The following CCDC92B variants were observed in gnomAD, a reference collection of about 807,000 sequenced individuals.
CCDC92B encodes the protein coiled-coil domain-containing 92B.
CCDC92B carries 2 observed loss-of-function variants against 5.6 expected under a neutral mutation model. The observed-to-expected ratio is 0.36, with a 90% CI of 0.15 to 1.12. The LOEUF (loss-of-function observed/expected upper bound fraction) is 1.12. Among genes scored for constraint, CCDC92B ranks in the 50% most tolerant of loss-of-function variants. The pLI, the probability that CCDC92B is intolerant of heterozygous loss-of-function variation, is 0.40. For synonymous variants in CCDC92B, 115 were observed against 122.3 expected, an observed-to-expected ratio of 0.94 and a Z score of 0.39; for missense variants, 271 against 262.2, an observed-to-expected ratio of 1.03 and a Z score of -0.23.
At chr17:2,737,418 T>C (rs1168256945) in intron 1 of CCDC92B, among the ~76,000 whole-genome samples, 3 of 151,518 alleles carry the variant, frequency 2.0e-5, no homozygotes, top group Admixed American at 2.0e-4. Flanking sequence ...CTGGGCCCCT[T>C]TCTCTGGTAC....
chr17:2,740,743 A>C lies in CCDC92B; in HGVS notation c.-23-5575T>G, dbSNP rs967781631. Among the ~76,000 whole-genome samples the C allele has an allele frequency of 1.3e-5, 2 of 151,916 alleles. 1 individual carries two copies. The highest frequency in any genetic ancestry group is 4.8e-5 in the African/African-American group (2 of 41,272). The stretch of plus-strand genomic sequence containing the variant: ...TTTAAAAATGGTAGACTAAGGCCAG[A>C]CGCAGTGGCTCACACCTGTAATCTC... On this transcript the variant is annotated intron_variant, in intron 1 of 3. Coordinates refer to ENST00000614400, the MANE Select transcript of CCDC92B (RefSeq NM_001355573.2).
At position 2,721,128 on chromosome 17, in the gene CCDC92B, G is replaced by A. The variant is rs1240277923; in HGVS notation, c.*3283C>T. 1 of 152,332 alleles carries A rather than the reference G, an allele frequency of 6.6e-6. No individual in the cohort carries two copies. The highest frequency in any genetic ancestry group is 2.4e-5 in the African/African-American group (1 of 41,422). The allele number at this position is 152,332 out of a possible 1,614,324, so 9.4% of individuals were successfully genotyped here. A position where few individuals can be genotyped will look rare whatever the true frequency, so the allele number is the denominator to read the frequency against. On this transcript the variant is annotated 3_prime_UTR_variant, in exon 4 of 4. Coordinates refer to ENST00000614400, the MANE Select transcript of CCDC92B (RefSeq NM_001355573.2). ...GGACGCCATCCTACTGCTTATATGG[G>A]GAAGGGTTATCCCATTTTGGCCCTG...
intron 1 of CCDC92B, among the ~76,000 whole-genome samples, chr17:2,740,428 G>A (rs1221890331): frequency 6.6e-6 from 1 of 152,018 alleles, no homozygotes; most frequent in Non-Finnish European, 1.5e-5. Context: ...TTGGGAGGCT[G>A]AGGCAGGCTG....
In CCDC92B at chr17:2,732,054, G is replaced by C. The variant is rs552624182; in HGVS notation, c.131-1561C>G. On this transcript the variant is annotated intron_variant, in intron 2 of 3. Coordinates refer to ENST00000614400, the MANE Select transcript of CCDC92B (RefSeq NM_001355573.2). ...TGGGGGCACAATAGCACCTTTCCAA[G>C]AGGCTGTCGCCAGGATTAAATGAGA... Among the ~76,000 whole-genome samples, 101 of 152,346 alleles carry C rather than the reference G, an allele frequency of 6.6e-4. 1 individual carries two copies. Among genetic ancestry groups the C allele is most frequent in the African/African-American group, 2.3e-3 (97 of 41,584 alleles).
rs1045475386 is a variant in CCDC92B at position 2,724,297 on chromosome 17, G to A, written c.*114C>T. The A allele has an allele frequency of 1.4e-5, 14 of 985,220 alleles. No homozygotes were observed. The highest frequency in any genetic ancestry group is 1.6e-5 in the Non-Finnish European group (13 of 829,908). The allele number at this position is 985,220 out of a possible 1,614,324, so 61.0% of individuals were successfully genotyped here. A position where few individuals can be genotyped will look rare whatever the true frequency, so the allele number is the denominator to read the frequency against. On this transcript the variant is annotated 3_prime_UTR_variant, in exon 4 of 4. Transcript: ENST00000614400. This position sits in a 1 kb window ranked among gnomAD's most constrained non-coding sequence, Gnocchi z 5.0. Reference sequence around the variant, plus strand: ...GGGGGAGCCGGGGCCGCCTCGCCCCGCTTCCTGGAGGAGGGGCGGCTGCCC... The same window carrying A: ...GGGGGAGCCGGGGCCGCCTCGCCCCACTTCCTGGAGGAGGGGCGGCTGCCC...
In CCDC92B at chr17:2,741,664, C is replaced by T. The variant is rs1295840589; in HGVS notation, c.-23-6496G>A. Among the ~76,000 whole-genome samples, 48 of 141,768 alleles carry T rather than the reference C, an allele frequency of 3.4e-4. 1 individual carries two copies. The highest frequency in any genetic ancestry group is 4.6e-5 in the Non-Finnish European group (3 of 65,846). 93.0% of individuals were successfully genotyped at this position (141,768 alleles called of 152,430 possible). A position where few individuals can be genotyped will look rare whatever the true frequency, so the allele number is the denominator to read the frequency against. On this transcript the variant is annotated intron_variant, in intron 1 of 3. Coordinates refer to ENST00000614400, the MANE Select transcript of CCDC92B (RefSeq NM_001355573.2). ...CTGGAGTGCAGTGGTGTGATCTCGG[C>T]TCACTGCAAGCTCTGCCTCCCGGGT...
intron 3 of CCDC92B, among the ~76,000 whole-genome samples, chr17:2,726,330 A>G (rs1597232785): frequency 6.9e-6 from 1 of 144,608 alleles, no homozygotes; most frequent in Non-Finnish European, 1.5e-5. Context: ...GGCGCCCGCC[A>G]CCATGCCTGG....
At chr17:2,738,758 C>CAAAAAAAAAAAAAAAAAAAA (rs533157087) in intron 1 of CCDC92B, among the ~76,000 whole-genome samples, 1 of 89,760 alleles carries the variant, frequency 1.1e-5, no homozygotes, top group Admixed American at 1.3e-4. Flanking sequence ...AGACTCGTCT[C>CAAAAAAAAAAAAAAAAAAAA]AAAAAAAAAA....
intron 2 of CCDC92B, among the ~76,000 whole-genome samples, chr17:2,733,742 G>A (rs1377193082): frequency 9.4e-6 from 1 of 106,368 alleles, no homozygotes; most frequent in Non-Finnish European, 1.7e-5. Flanking sequence ...CAGGACCACT[G>A]GCTTTTTTTT....
intron 2 of CCDC92B, among the ~76,000 whole-genome samples, chr17:2,731,649 GTTGC>G (rs1478009332): frequency 2.6e-5 from 4 of 152,190 alleles, no homozygotes; most frequent in African/African-American, 9.7e-5. Context: ...GAGGCCGGTT[GTTGC>G]TTGGAGGCAG....
intron 3 of CCDC92B, among the ~76,000 whole-genome samples, chr17:2,726,159 C>T (rs2070726652): frequency 9.3e-6 from 1 of 107,988 alleles, no homozygotes; most frequent in Non-Finnish European, 1.9e-5. Flanking sequence ...CCACACCCAG[C>T]TAATTTTTGT....
At chr17:2,727,372 G>C (rs181350038) in intron 3 of CCDC92B, among the ~76,000 whole-genome samples, 1 of 152,184 alleles carries the variant, frequency 6.6e-6, no homozygotes, top group Non-Finnish European at 1.5e-5. Flanking sequence ...AATCTTCCCC[G>C]GTGGTTCTCA....
chr17:2,728,659 T>G (rs943719140), intron 3 of CCDC92B, among the ~76,000 whole-genome samples: 3 of 151,908 alleles, frequency 2.0e-5, no homozygotes, highest in African/African-American at 7.3e-5. Flanking sequence ...GGCAGTGGCT[T>G]GGGCCCAGGT....
chr17:2,725,647 G>A (rs923858766), intron 3 of CCDC92B, among the ~76,000 whole-genome samples: 1 of 151,790 alleles, frequency 6.6e-6, no homozygotes, highest in Admixed American at 6.6e-5. Context: ...GAGATAGGGC[G>A]CATAATAAAA....
intron 1 of CCDC92B, among the ~76,000 whole-genome samples, chr17:2,747,162 G>A (rs758574130): frequency 7.2e-5 from 11 of 152,164 alleles, no homozygotes; most frequent in South Asian, 2.1e-4. Context: ...CTTGCCTGGG[G>A]TTTGCATTGT....
chr17:2,725,314 C>T (rs1251073692), intron 3 of CCDC92B, among the ~76,000 whole-genome samples: 4 of 151,910 alleles, frequency 2.6e-5, no homozygotes, highest in South Asian at 4.1e-4. Flanking sequence ...ACCGGGGAGG[C>T]GGAGGTTGCA....
chr17:2,723,861 C>G lies in CCDC92B; in HGVS notation c.*550G>C, dbSNP rs986259717. 4.2e-6 allele frequency: 3 copies of G among 714,350 alleles called. No homozygotes were observed. Among genetic ancestry groups the G allele is most frequent in the Non-Finnish European group, 5.2e-6 (3 of 581,866 alleles). 44.3% of individuals were successfully genotyped at this position (714,350 alleles called of 1,614,324 possible). ...GTCTTCTAAAGTGTTCCGTGCTCACCTGCAAGGACCTATCGGCAGGGTCAG... is the reference window on the plus strand; with the variant it reads ...GTCTTCTAAAGTGTTCCGTGCTCACGTGCAAGGACCTATCGGCAGGGTCAG... On this transcript the variant is annotated 3_prime_UTR_variant, in exon 4 of 4. Transcript: ENST00000614400.
chr17:2,724,540 G>T lies in CCDC92B; in HGVS notation c.639C>A (p.Phe213Leu). The change falls in exon 4 of 4, where the codon TTC (phenylalanine) becomes TTA (leucine). Residue 213 changes from phenylalanine (F) to leucine (L), a missense_variant. By Grantham distance (22) the Phe-to-Leu change is conservative (BLOSUM62 0). Transcript: ENST00000614400. This position sits in a 1 kb window ranked among gnomAD's most constrained non-coding sequence, Gnocchi z 5.0. ...GCCGCAGCGGCCTGCGTGCATAGAG[G>T]AAGAGCGCGGGGTCGGGCATGGGGT... ...DADPMPDPAL[F>L]LYARRPLRPS... The T allele has an allele frequency of 1.0e-6, 1 of 982,552 alleles. No homozygotes were observed. The highest frequency in any genetic ancestry group is 4.7e-5 in the South Asian group (1 of 21,486). 60.9% of individuals were successfully genotyped at this position (982,552 alleles called of 1,614,324 possible).
At chr17:2,738,573 C>T (rs2070880613) in intron 1 of CCDC92B, among the ~76,000 whole-genome samples, 2 of 143,146 alleles carry the variant, frequency 1.4e-5, no homozygotes, top group Non-Finnish European at 3.0e-5. Flanking sequence ...GAGATCGAGA[C>T]CACGGTGAAA....
Sources: allele counts gnomAD v4.1 joint callset (sites outside exome capture counted in the v4.1 genomes callset), GRCh38; gene constraint gnomAD v4.1.1; non-coding constraint Gnocchi (gnomAD v3.1); transcripts MANE v1.5; gene names NCBI Gene and HGNC (gene_info 2026-07-23, HGNC 2026-07-21).